Variants in MSI2 observed in about 807,000 individuals in gnomAD.
The protein encoded by MSI2 is RNA-binding protein Musashi homolog 2.
Under a neutral mutation model 45.6 loss-of-function variants are expected in MSI2, and 17 were observed. That is an observed-to-expected ratio of 0.37 (90% CI 0.26 to 0.56). MSI2 has a LOEUF of 0.56. MSI2 is among the 20% of genes least tolerant of loss of function. MSI2 has a pLI of 0.77. For missense variants in MSI2, 293 were observed against 444.2 expected (o/e 0.66, Z 3.06); for synonymous variants, 156 against 158.2 (o/e 0.99, Z 0.11).
chr17:57,335,038 C>T (rs1445700800), intron 5 of MSI2, among the ~76,000 whole-genome samples: 8 of 151,802 alleles, frequency 5.3e-5, no homozygotes, highest in Admixed American at 4.6e-4. Flanking sequence ...AGCTGGCTGT[C>T]CTGCCAGAAT....
intron 5 of MSI2, among the ~76,000 whole-genome samples, chr17:57,263,166 T>C (rs1046187614): frequency 2.6e-5 from 4 of 151,338 alleles, no homozygotes; most frequent in African/African-American, 9.8e-5. Flanking sequence ...GGAATGGTTT[T>C]GCACATTAGT....
At chr17:57,265,352 C>T (rs1424461848) in intron 5 of MSI2, 2 of 152,194 alleles carry the variant, frequency 1.3e-5, no homozygotes, top group Admixed American at 1.3e-4. Flanking sequence ...ATGAGTTTCT[C>T]TGCTTTCTGG....
Position 57,684,181 on chromosome 17 carries a change from A to T in MSI2, c.*4664A>T, listed in dbSNP as rs1913791099. On this transcript the variant is annotated 3_prime_UTR_variant, in exon 14 of 14. Coordinates refer to ENST00000284073, the MANE Select transcript of MSI2 (RefSeq NM_138962.4). Reference sequence around the variant, plus strand: ...AAGGTTCTCTACTACTGTATTCTGTACATAATGTACCATCCCATGTGGAAT... The same window carrying T: ...AAGGTTCTCTACTACTGTATTCTGTTCATAATGTACCATCCCATGTGGAAT... The T allele has an allele frequency of 4.7e-6, 1 of 214,342 alleles. No individual in the cohort carries two copies. Among genetic ancestry groups the T allele is most frequent in the African/African-American group, 2.3e-5 (1 of 44,182 alleles). 13.3% of individuals were successfully genotyped at this position (214,342 alleles called of 1,614,324 possible).
chr17:57,679,241 T>C (rs113653958), intron 13 of MSI2, among the ~76,000 whole-genome samples: 2,000 of 152,340 alleles, frequency 0.013, 15 homozygotes, highest in Middle Eastern at 0.02. Context: ...CTGCAATCCC[T>C]GTAAGCACAT....
At chr17:57,647,660 T>G (rs1308641999) in intron 10 of MSI2, among the ~76,000 whole-genome samples, 5 of 151,762 alleles carry the variant, frequency 3.3e-5, no homozygotes, top group Middle Eastern at 3.4e-3. Flanking sequence ...TTTTTTTTTC[T>G]TCGAGACAGA....
At chr17:57,358,816 T>C (rs1916624366) in intron 5 of MSI2, among the ~76,000 whole-genome samples, 1 of 152,180 alleles carries the variant, frequency 6.6e-6, no homozygotes, top group South Asian at 2.1e-4. Flanking sequence ...AATGTAAATA[T>C]GGTCAAGAAG....
intron 7 of MSI2, among the ~76,000 whole-genome samples, chr17:57,539,207 G>C (rs184410362): frequency 1.2e-3 from 185 of 149,428 alleles, no homozygotes; most frequent in African/African-American, 4.0e-3. Context: ...TTTTGAGACG[G>C]AGTCTGGCTC....
chr17:57,336,767 ATG>A (rs1231494681), intron 5 of MSI2, among the ~76,000 whole-genome samples: 7 of 152,342 alleles, frequency 4.6e-5, no homozygotes, highest in Middle Eastern at 3.4e-3. Flanking sequence ...AGGAACTAAA[ATG>A]TGTGTTATTT....
intron 6 of MSI2, among the ~76,000 whole-genome samples, chr17:57,479,070 A>G (rs1021668254): frequency 1.9e-4 from 29 of 152,236 alleles, no homozygotes; most frequent in African/African-American, 6.7e-4. Flanking sequence ...ATAACAGATA[A>G]GGAACAGGAC....
At chr17:57,511,114 C>T (rs2086344581) in intron 6 of MSI2, among the ~76,000 whole-genome samples, 1 of 152,182 alleles carries the variant, frequency 6.6e-6, no homozygotes, top group South Asian at 2.1e-4. Context: ...TGCTTTTCCA[C>T]TGATACCTGT....
rs2087938957 is a variant in MSI2 at position 57,573,686 on chromosome 17, TAACACTA to T, written c.455-23180_455-23174del. On this transcript the variant is annotated intron_variant, in intron 7 of 13. Coordinates refer to ENST00000284073, the MANE Select transcript of MSI2 (RefSeq NM_138962.4). ...TATGGCAGCTTATCCAGGGCTGTGT[TAACACTA>T]AGCCTTCCATTTATTTTGGTTGATC... Among the ~76,000 whole-genome samples, 4 of 152,236 alleles carry T rather than the reference TAACACTA, an allele frequency of 2.6e-5. 1 individual carries two copies. In the South Asian group the frequency reaches 8.3e-4, roughly 32 times the overall value.
At chr17:57,527,423 G>A (rs1240209788) in intron 6 of MSI2, among the ~76,000 whole-genome samples, 1 of 151,990 alleles carries the variant, frequency 6.6e-6, no homozygotes, top group East Asian at 1.9e-4. Context: ...TGCACGGGAG[G>A]TGGAACGGCT....
chr17:57,698,913 GTGT>G, the MSI2 span, among the ~76,000 whole-genome samples: 3 of 148,740 alleles, frequency 2.0e-5, no homozygotes. Flanking sequence ...GTGTGTGTGT[GTGT>G]GTGTGTGTGT....
At chr17:57,659,240 G>GTT (rs764818180) in intron 11 of MSI2, among the ~76,000 whole-genome samples, 1 of 150,600 alleles carries the variant, frequency 6.6e-6, no homozygotes, top group Non-Finnish European at 1.5e-5. Flanking sequence ...TTTTTTGTGT[G>GTT]TTTTTTGTTT....
chr17:57,571,361 T>G (rs11079309), intron 7 of MSI2, among the ~76,000 whole-genome samples: 1 of 151,958 alleles, frequency 6.6e-6, no homozygotes, highest in East Asian at 1.9e-4. Flanking sequence ...GGCCTGACCT[T>G]GCCACCTCAG....
chr17:57,263,575 T>C (rs540396362), intron 5 of MSI2: 4 of 152,310 alleles, frequency 2.6e-5, no homozygotes, highest in African/African-American at 9.6e-5. Flanking sequence ...TCCAGGTTAG[T>C]CATTTGATCA....
At chr17:57,291,910 A>G (rs1367282022) in intron 5 of MSI2, among the ~76,000 whole-genome samples, 1 of 152,144 alleles carries the variant, frequency 6.6e-6, no homozygotes, top group Non-Finnish European at 1.5e-5. Flanking sequence ...CTCCCCCGCC[A>G]TTCTAACTAA....
chr17:57,455,838 T>C (rs962046880), intron 6 of MSI2, among the ~76,000 whole-genome samples: 8 of 152,212 alleles, frequency 5.3e-5, no homozygotes, highest in African/African-American at 1.9e-4. Flanking sequence ...GCTTTGCTCC[T>C]CCGCAGCACG....
At chr17:57,328,074 A>G (rs1280728671) in intron 5 of MSI2, among the ~76,000 whole-genome samples, 3 of 152,164 alleles carry the variant, frequency 2.0e-5, no homozygotes, top group Admixed American at 1.3e-4. Flanking sequence ...TTCTTTAACT[A>G]TCTGTTTATC....
Sources: allele counts gnomAD v4.1 joint callset (sites outside exome capture counted in the v4.1 genomes callset), GRCh38; gene constraint gnomAD v4.1.1; transcripts MANE v1.5; gene names NCBI Gene and HGNC (gene_info 2026-07-23, HGNC 2026-07-21).